CHST8: variants seen among roughly 807,000 people sequenced by gnomAD.
CHST8 encodes GALNAC-4-ST1.
CHST8 carries 10 observed loss-of-function variants against 15.0 expected under a neutral mutation model. That is an observed-to-expected ratio of 0.67 (90% CI 0.41 to 1.13). CHST8 has a LOEUF of 1.13. CHST8 is among the 50% of genes most tolerant of loss of function. The pLI is 0.00. For missense variants in CHST8, 634 were observed against 608.2 expected (o/e 1.04, Z -0.45); for synonymous variants, 259 against 256.6 (o/e 1.01, Z -0.09).
At chr19:33,757,474 GAAAGAAA>G (rs1974594096) in intron 3 of CHST8, among the ~76,000 whole-genome samples, 3 of 41,788 alleles carry the variant, frequency 7.2e-5, no homozygotes, top group Non-Finnish European at 1.5e-4. Flanking sequence ...AAGAAAGAAA[GAAAGAAA>G]GAAAGAAAGA....
At chr19:33,635,954 G>A (rs1246668658) in intron 1 of CHST8, among the ~76,000 whole-genome samples, 1 of 152,010 alleles carries the variant, frequency 6.6e-6, no homozygotes, top group African/African-American at 2.4e-5. Context: ...TTGTTTATGC[G>A]ATGTGGAGGC....
chr19:33,706,365 T>G (rs1469769008), intron 3 of CHST8, among the ~76,000 whole-genome samples: 1 of 152,206 alleles, frequency 6.6e-6, no homozygotes, highest in Non-Finnish European at 1.5e-5. Context: ...TGTGTGCATC[T>G]GGCCCTCACC....
intron 1 of CHST8, among the ~76,000 whole-genome samples, chr19:33,648,193 C>T (rs116056221): frequency 0.034 from 5,179 of 152,100 alleles, 164 homozygotes; most frequent in African/African-American, 0.085. Context: ...AGTCCTCTCT[C>T]TCTCTCTCCT....
intron 3 of CHST8, among the ~76,000 whole-genome samples, chr19:33,698,398 A>AG (rs1973265533): frequency 1.0e-4 from 15 of 149,846 alleles, no homozygotes; most frequent in African/African-American, 3.7e-4. Flanking sequence ...GAAAAAAAAA[A>AG]AAAAGAAAGA....
At chr19:33,626,848 G>T (rs1370340925) in intron 1 of CHST8, among the ~76,000 whole-genome samples, 1 of 149,988 alleles carries the variant, frequency 6.7e-6, no homozygotes, top group African/African-American at 2.5e-5. Context: ...GAGTACAGTG[G>T]TGCTATCATA....
chr19:33,665,851 G>T (rs1343402205), intron 1 of CHST8, among the ~76,000 whole-genome samples: 1 of 152,206 alleles, frequency 6.6e-6, no homozygotes, highest in Non-Finnish European at 1.5e-5. Flanking sequence ...AAAGTGATCA[G>T]GGCCCCAGTG....
intron 1 of CHST8, among the ~76,000 whole-genome samples, chr19:33,650,339 T>C (rs1307019203): frequency 6.6e-6 from 1 of 152,098 alleles, no homozygotes; most frequent in African/African-American, 2.4e-5. Context: ...TCAGAGACTA[T>C]CTATTCAGAT....
At chr19:33,713,532 C>G (rs1239370904) in intron 3 of CHST8, among the ~76,000 whole-genome samples, 1 of 151,910 alleles carries the variant, frequency 6.6e-6, no homozygotes, top group Non-Finnish European at 1.5e-5. Context: ...TGAGTTATGT[C>G]CACTGGGGAG....
chr19:33,735,145 G>A (rs1262539897), intron 3 of CHST8, among the ~76,000 whole-genome samples: 1 of 152,218 alleles, frequency 6.6e-6, no homozygotes, highest in Non-Finnish European at 1.5e-5. Flanking sequence ...AAACAGCCTG[G>A]CTGGGGAGAG....
At position 33,772,594 on chromosome 19, in the gene CHST8, G is replaced by A. The variant is rs773533591; in HGVS notation, c.806G>A (p.Arg269His). 6 of 1,614,010 alleles carry A rather than the reference G, an allele frequency of 3.7e-6. No homozygotes were observed. The East Asian group carries it at 1.1e-4, about 30-fold the overall frequency. ...EPFERLVSAF[R>H]DKFEHPNSYY... ...TTCGAGAGGCTGGTGTCCGCCTTCC[G>A]CGACAAGTTTGAGCACCCCAACAGC... The change falls in exon 5 of 5, where the codon CGC becomes CAC. Residue 269 changes from arginine (R) to histidine (H), a missense_variant. Arg to His is a conservative substitution (Grantham distance 29). Coordinates refer to ENST00000650847, the MANE Select transcript of CHST8 (RefSeq NM_001127895.2).
intron 3 of CHST8, among the ~76,000 whole-genome samples, chr19:33,760,270 C>T (rs12972572): frequency 0.57 from 1,452 of 2,550 alleles, 363 homozygotes; most frequent in Middle Eastern, 0.83. Flanking sequence ...GGTTGCCCTT[C>T]CTTCCTTCCC....
intron 2 of CHST8, among the ~76,000 whole-genome samples, chr19:33,686,761 C>T (rs1256180651): frequency 1.3e-5 from 2 of 152,232 alleles, no homozygotes; most frequent in Non-Finnish European, 2.9e-5. Flanking sequence ...CCAGCTTACT[C>T]AGGGGCTCGC....
At chr19:33,708,345 CT>C (rs1170096741) in intron 3 of CHST8, among the ~76,000 whole-genome samples, 16 of 152,248 alleles carry the variant, frequency 1.1e-4, no homozygotes, top group Middle Eastern at 3.4e-3. Context: ...ATGTTTTCTT[CT>C]AAGTTTTTAA....
At chr19:33,706,383 C>G (rs139081535) in intron 3 of CHST8, among the ~76,000 whole-genome samples, 1 of 152,134 alleles carries the variant, frequency 6.6e-6, no homozygotes, top group Non-Finnish European at 1.5e-5. Context: ...ACCCATAATC[C>G]TAGCTGTGTA....
chr19:33,744,675 C>A (rs1974276544), intron 3 of CHST8, among the ~76,000 whole-genome samples: 1 of 152,182 alleles, frequency 6.6e-6, no homozygotes, highest in Non-Finnish European at 1.5e-5. Flanking sequence ...AGCAATCCTT[C>A]CACCTCAGCC....
intron 1 of CHST8, among the ~76,000 whole-genome samples, chr19:33,638,218 G>A (rs1319672165): frequency 1.5e-4 from 23 of 152,270 alleles, no homozygotes; most frequent in Admixed American, 5.9e-4. Flanking sequence ...CACCGCTGAC[G>A]TTTTCCTCAA....
intron 3 of CHST8, among the ~76,000 whole-genome samples, chr19:33,736,260 A>G (rs1232375042): frequency 6.6e-6 from 1 of 152,188 alleles, no homozygotes; most frequent in Non-Finnish European, 1.5e-5. Flanking sequence ...CTAGCCAGGA[A>G]CTGATCACGC....
chr19:33,649,608 T>C (rs1255526118), intron 1 of CHST8, among the ~76,000 whole-genome samples: 1 of 152,200 alleles, frequency 6.6e-6, no homozygotes, highest in Non-Finnish European at 1.5e-5. Flanking sequence ...AACATGCACG[T>C]TACATGCGTC....
chr19:33,726,747 G>C (rs193025711), intron 3 of CHST8, among the ~76,000 whole-genome samples: 35 of 152,020 alleles, frequency 2.3e-4, no homozygotes, highest in African/African-American at 8.2e-4. Flanking sequence ...TCTTCCTCCT[G>C]ACCGCCATAA....
Sources: allele counts gnomAD v4.1 joint callset (sites outside exome capture counted in the v4.1 genomes callset), GRCh38; gene constraint gnomAD v4.1.1; transcripts MANE v1.5; gene names NCBI Gene and HGNC (gene_info 2026-07-23, HGNC 2026-07-21).